FRMD4A: variants seen among roughly 807,000 people sequenced by gnomAD.
The protein encoded by FRMD4A is FERM domain-containing protein 4A.
A neutral mutation model predicts 129.1 loss-of-function variants in FRMD4A; 29 were observed. That is an observed-to-expected ratio of 0.22 (90% CI 0.17 to 0.31). FRMD4A has a LOEUF of 0.31. Ranked by LOEUF, FRMD4A falls within the 10% of genes least tolerant of loss-of-function variation. The pLI is 1.00. For missense variants in FRMD4A, 1,272 were observed against 1,375.8 expected (o/e 0.92, Z 1.19); for synonymous variants, 634 against 571.6 (o/e 1.11, Z -1.56).
At chr10:14,264,211 C>T (rs928061763) in intron 2 of FRMD4A, among the ~76,000 whole-genome samples, 3 of 152,122 alleles carry the variant, frequency 2.0e-5, no homozygotes, top group African/African-American at 4.8e-5. Flanking sequence ...ATGAAGCAAC[C>T]GCCTGAAATC....
At chr10:13,691,316 C>A (rs1737290053) in intron 15 of FRMD4A, among the ~76,000 whole-genome samples, 2 of 152,190 alleles carry the variant, frequency 1.3e-5, no homozygotes, top group African/African-American at 4.8e-5. Flanking sequence ...TGCATGATGT[C>A]AATTTCATCT....
In FRMD4A at chr10:14,094,127, T is replaced by C. The variant is rs376727838; in HGVS notation, c.46-235215A>G. On this transcript the variant is annotated intron_variant, in intron 2 of 24. Transcript: ENST00000357447. ...AAGCTTCTGGAAGGAGCAGCTCAGG[T>C]GAGCAACTTCTGACAGCTCTGGGCT... 3.2e-4 allele frequency among the ~76,000 whole-genome samples: 48 copies of C among 152,366 alleles called. No homozygotes were observed. In the East Asian group the frequency reaches 5.0e-3, roughly 16 times the overall value.
intron 2 of FRMD4A, among the ~76,000 whole-genome samples, chr10:13,908,034 G>A (rs1201022898): frequency 9.9e-5 from 15 of 151,288 alleles, no homozygotes; most frequent in South Asian, 4.2e-4. Context: ...GCATGGTGGC[G>A]GGCACCTGTA....
At chr10:14,228,685 T>G (rs537634980) in intron 2 of FRMD4A, among the ~76,000 whole-genome samples, 35 of 152,140 alleles carry the variant, frequency 2.3e-4, no homozygotes, top group Non-Finnish European at 4.4e-4. Flanking sequence ...CAACAGGAGA[T>G]TCACGCATCT....
intron 2 of FRMD4A, among the ~76,000 whole-genome samples, chr10:13,899,146 A>G (rs1652254670): frequency 6.6e-6 from 1 of 151,378 alleles, no homozygotes; most frequent in South Asian, 2.1e-4. Context: ...TGGGTGACAG[A>G]GCAAGACCCT....
intron 2 of FRMD4A, among the ~76,000 whole-genome samples, chr10:14,120,401 G>A (rs932609489): frequency 6.6e-6 from 1 of 152,128 alleles, no homozygotes; most frequent in African/African-American, 2.4e-5. Context: ...GAGCACTTAT[G>A]CAGGTTGCTT....
At chr10:14,016,578 G>C (rs973342961) in intron 2 of FRMD4A, among the ~76,000 whole-genome samples, 2 of 152,162 alleles carry the variant, frequency 1.3e-5, no homozygotes, top group Non-Finnish European at 2.9e-5. Context: ...GTGGTAAACA[G>C]ACTTCTTCTT....
At chr10:14,293,674 CAACCTCTTGGGA>C (rs1368205891) in intron 2 of FRMD4A, among the ~76,000 whole-genome samples, 1 of 151,338 alleles carries the variant, frequency 6.6e-6, no homozygotes, top group African/African-American at 2.4e-5. Flanking sequence ...TAAAGTAGTA[CAACCTCTTGGGA>C]AACATTTTGA....
chr10:14,247,050 T>C (rs1463269328), intron 2 of FRMD4A, among the ~76,000 whole-genome samples: 1 of 152,190 alleles, frequency 6.6e-6, no homozygotes, highest in Non-Finnish European at 1.5e-5. Flanking sequence ...GATAGTTCAC[T>C]TCCCTTTCTG....
At chr10:13,732,814 C>T (rs780605119) in intron 12 of FRMD4A, among the ~76,000 whole-genome samples, 77 of 152,244 alleles carry the variant, frequency 5.1e-4, no homozygotes, top group Non-Finnish European at 1.0e-3. Context: ...CCCCTGCCCT[C>T]GGTGTGCAGG....
intron 2 of FRMD4A, among the ~76,000 whole-genome samples, chr10:14,092,175 A>G (rs577866750): frequency 1.5e-5 from 2 of 130,096 alleles, no homozygotes; most frequent in South Asian, 5.3e-4. Context: ...CAGGTTTCTT[A>G]GGTCTGCTCC....
chr10:14,273,589 T>C (rs184934320), intron 2 of FRMD4A, among the ~76,000 whole-genome samples: 18 of 152,298 alleles, frequency 1.2e-4, no homozygotes, highest in Admixed American at 5.2e-4. Flanking sequence ...TGGATTAAGA[T>C]AGAAATGAAT....
chr10:13,702,228 C>T (rs768394712), intron 13 of FRMD4A, among the ~76,000 whole-genome samples: 1 of 152,138 alleles, frequency 6.6e-6, no homozygotes, highest in South Asian at 2.1e-4. Flanking sequence ...CCCCCCACCA[C>T]TCCGGGCTAC....
At chr10:13,953,252 C>A (rs1367245707) in intron 2 of FRMD4A, among the ~76,000 whole-genome samples, 1 of 152,162 alleles carries the variant, frequency 6.6e-6, no homozygotes, top group Non-Finnish European at 1.5e-5. Flanking sequence ...TTGTTCTCAT[C>A]TACCCTTAGC....
At chr10:13,864,455 C>G (rs1344796368) in intron 2 of FRMD4A, among the ~76,000 whole-genome samples, 3 of 151,938 alleles carry the variant, frequency 2.0e-5, no homozygotes, top group Non-Finnish European at 4.4e-5. Flanking sequence ...TCCTATCACC[C>G]TTTTCTCAAC....
In FRMD4A at chr10:13,713,920, T is replaced by C. The variant is rs55979081; in HGVS notation, c.760-6807A>G. ...AATATATACATATATGTAATATATA[T>C]ACATATATAATATATACATATATGT... On this transcript the variant is annotated intron_variant, in intron 12 of 24. Transcript: ENST00000357447. Among the ~76,000 whole-genome samples the C allele has an allele frequency of 9.3e-3, 925 of 99,320 alleles. 184 individuals carry two copies. The highest frequency in any genetic ancestry group is 0.011 in the African/African-American group (292 of 27,720). The allele number at this position is 99,320 out of a possible 152,430, so 65.2% of individuals were successfully genotyped here.
At chr10:14,106,151 A>C (rs1198450946) in intron 2 of FRMD4A, among the ~76,000 whole-genome samples, 1 of 152,186 alleles carries the variant, frequency 6.6e-6, no homozygotes, top group Non-Finnish European at 1.5e-5. Context: ...GCATCATCCA[A>C]ATGTGACTGA....
chr10:14,014,916 C>T (rs1321707357), intron 2 of FRMD4A, among the ~76,000 whole-genome samples: 5 of 150,916 alleles, frequency 3.3e-5, no homozygotes, highest in African/African-American at 7.3e-5. Flanking sequence ...CCCTCCCTTC[C>T]TTCCTTTCCT....
chr10:14,214,642 G>C (rs1843019901), intron 2 of FRMD4A, among the ~76,000 whole-genome samples: 1 of 152,006 alleles, frequency 6.6e-6, no homozygotes, highest in Admixed American at 6.6e-5. Context: ...AAAACCTCTA[G>C]ATCCTCAATT....
Sources: allele counts gnomAD v4.1 joint callset (sites outside exome capture counted in the v4.1 genomes callset), GRCh38; gene constraint gnomAD v4.1.1; transcripts MANE v1.5; gene names NCBI Gene and HGNC (gene_info 2026-07-23, HGNC 2026-07-21).